ZFHX3: variants seen among roughly 807,000 people sequenced by gnomAD.
ZFHX3 encodes the protein zinc finger homeobox protein 3.
In ZFHX3, 42 loss-of-function variants were observed where a neutral mutation model predicts 279.1. That is an observed-to-expected ratio of 0.15 (90% confidence interval 0.12 to 0.19). ZFHX3 has a LOEUF of 0.19. ZFHX3 is among the 10% of genes least tolerant of loss of function. ZFHX3 has a pLI of 1.00. For synonymous variants in ZFHX3, 2,293 were observed against 1,957.8 expected (o/e 1.17, Z -4.52); for missense variants, 4,981 against 4,754.0 (o/e 1.05, Z -1.40).
rs1422376459 is a variant in ZFHX3 at position 72,787,050 on chromosome 16, TTTTTTTG to T, written c.*107_*113del. The T allele has an allele frequency of 2.9e-6, 3 of 1,027,640 alleles. No homozygotes were observed. Among genetic ancestry groups the T allele is most frequent in the Non-Finnish European group, 3.7e-6 (3 of 814,084 alleles). 63.7% of individuals were successfully genotyped at this position (1,027,640 alleles called of 1,614,324 possible). ...TTTTTCTTTTTTTTCTTTTTTTTTT[TTTTTTTG>T]TTTTTTGGTTAGAAGCTTTGGAATT... On this transcript the variant is annotated 3_prime_UTR_variant, in exon 10 of 10. Coordinates refer to ENST00000268489, the MANE Select transcript of ZFHX3 (RefSeq NM_006885.4).
At chr16:73,288,977 C>A (rs2014703012) in intron 4 of ZFHX3, among the ~76,000 whole-genome samples, 1 of 146,506 alleles carries the variant, frequency 6.8e-6, no homozygotes, top group Admixed American at 6.9e-5. Context: ...TTTTTATGAT[C>A]TAGGATGCTG....
At chr16:72,833,424 A>G (rs1436321537) in intron 4 of ZFHX3, among the ~76,000 whole-genome samples, 1 of 152,064 alleles carries the variant, frequency 6.6e-6, no homozygotes, top group East Asian at 1.9e-4. Context: ...TTTTTCCCCT[A>G]TAATATTAGC....
intron 5 of ZFHX3, among the ~76,000 whole-genome samples, chr16:73,211,172 C>T (rs1032037873): frequency 6.6e-6 from 1 of 152,100 alleles, no homozygotes; most frequent in Non-Finnish European, 1.5e-5. Flanking sequence ...TGATGAGGAC[C>T]ATATTGCCTT....
In ZFHX3 at chr16:72,895,009, G is replaced by A. The variant is rs1016897957; in HGVS notation, c.3217-5047C>T. 4.6e-5 allele frequency among the ~76,000 whole-genome samples: 7 copies of A among 152,356 alleles called. No individual in the cohort carries two copies. The East Asian group carries it at 1.4e-3, about 29-fold the overall frequency. On this transcript the variant is annotated intron_variant, in intron 3 of 9. Transcript: ENST00000268489. Reference sequence around the variant, plus strand: ...AAAACAACAGCTCCAACTGTGGGCAGTGTGCTGGGATGCATGCCAACCGGG... The same window carrying A: ...AAAACAACAGCTCCAACTGTGGGCAATGTGCTGGGATGCATGCCAACCGGG...
At chr16:73,272,272 A>C (rs1242146357) in intron 4 of ZFHX3, among the ~76,000 whole-genome samples, 1 of 152,220 alleles carries the variant, frequency 6.6e-6, no homozygotes, top group Non-Finnish European at 1.5e-5. Context: ...TTTACATTGC[A>C]AAATAAATTA....
chr16:73,831,511 C>G (rs1456310791), intron 1 of ZFHX3, among the ~76,000 whole-genome samples: 1 of 152,222 alleles, frequency 6.6e-6, no homozygotes, highest in African/African-American at 2.4e-5. Context: ...AGAAATTCAT[C>G]TACACGACGC....
intron 5 of ZFHX3, among the ~76,000 whole-genome samples, chr16:73,156,181 A>T (rs1967077302): frequency 6.7e-6 from 1 of 148,512 alleles, no homozygotes; most frequent in Non-Finnish European, 1.5e-5. Context: ...GCAGTGAGCC[A>T]AGGGCGCACC....
chr16:73,566,617 C>T (rs1015135276), intron 2 of ZFHX3, among the ~76,000 whole-genome samples: 1 of 131,710 alleles, frequency 7.6e-6, no homozygotes, highest in East Asian at 2.0e-4. Context: ...AACTCCTGGG[C>T]TCAAGCAATC....
At chr16:73,530,456 A>C (rs1423466860) in intron 2 of ZFHX3, among the ~76,000 whole-genome samples, 1 of 152,182 alleles carries the variant, frequency 6.6e-6, no homozygotes, top group African/African-American at 2.4e-5. Flanking sequence ...CGTCTGATAA[A>C]CTACTTCTCT....
chr16:73,122,747 A>T lies in ZFHX3; in HGVS notation c.-897+8221T>A, dbSNP rs1479680942. 4.6e-5 allele frequency among the ~76,000 whole-genome samples: 7 copies of T among 152,130 alleles called. No individual in the cohort carries two copies. The East Asian group carries it at 1.2e-3, about 25-fold the overall frequency. The stretch of plus-strand genomic sequence containing the variant: ...CCAGAAGGAGCAGAGGAAAGAAAAC[A>T]CGAAGTGAGGAGAGCAGGAAGCAAG... On this transcript the variant is annotated intron_variant, in intron 7 of 17. Transcript: ENST00000641206.
rs74028095 is a variant in ZFHX3 at position 73,224,592 on chromosome 16, A to G, written c.-1104+32455T>C. 6.6e-3 allele frequency among the ~76,000 whole-genome samples: 999 copies of G among 152,296 alleles called. 12 individuals carry two copies. Among genetic ancestry groups the G allele is most frequent in the African/African-American group, 0.023 (962 of 41,550 alleles). On this transcript the variant is annotated intron_variant, in intron 5 of 17. Coordinates refer to the ZFHX3 transcript ENST00000641206. Reference sequence around the variant, plus strand: ...CCATATTTCTAGAGATTTTGCAGAAACGTGGCCAAAAGAGTCTCATTTATA... The same window carrying G: ...CCATATTTCTAGAGATTTTGCAGAAGCGTGGCCAAAAGAGTCTCATTTATA...
chr16:73,437,851 C>A (rs11649534), intron 3 of ZFHX3, among the ~76,000 whole-genome samples: 7 of 152,080 alleles, frequency 4.6e-5, no homozygotes, highest in Non-Finnish European at 8.8e-5. Flanking sequence ...TGCATGAATG[C>A]GTTTTAAGTT....
chr16:73,513,776 G>A (rs1294148977), intron 2 of ZFHX3, among the ~76,000 whole-genome samples: 1 of 152,086 alleles, frequency 6.6e-6, no homozygotes, highest in African/African-American at 2.4e-5. Context: ...CTTACGGATG[G>A]ACTTATGGGA....
chr16:73,546,107 G>A (rs1338511968), intron 2 of ZFHX3, among the ~76,000 whole-genome samples: 2 of 152,150 alleles, frequency 1.3e-5, no homozygotes, highest in Non-Finnish European at 2.9e-5. Flanking sequence ...TATAAATCGT[G>A]CTAAAAGGAA....
At chr16:73,230,095 A>G (rs1379731886) in intron 5 of ZFHX3, among the ~76,000 whole-genome samples, 2 of 152,242 alleles carry the variant, frequency 1.3e-5, no homozygotes, top group African/African-American at 4.8e-5. Context: ...TCATAGATCA[A>G]TACATGGTTA....
At chr16:73,149,097 A>T (rs1966884150) in intron 5 of ZFHX3, among the ~76,000 whole-genome samples, 1 of 148,752 alleles carries the variant, frequency 6.7e-6, no homozygotes, top group Admixed American at 6.7e-5. Flanking sequence ...AGTAAATGTC[A>T]GCAATTATTG....
intron 5 of ZFHX3, among the ~76,000 whole-genome samples, chr16:73,193,340 G>A (rs557655574): frequency 6.6e-6 from 1 of 152,198 alleles, no homozygotes; most frequent in Non-Finnish European, 1.5e-5. Flanking sequence ...CTTTGCAGGG[G>A]AGTTGGGGAG....
intron 3 of ZFHX3, among the ~76,000 whole-genome samples, chr16:73,398,094 C>T (rs1422119221): frequency 6.6e-6 from 1 of 152,220 alleles, no homozygotes; most frequent in Non-Finnish European, 1.5e-5. Flanking sequence ...ATCCACCCAC[C>T]TAGGCCTCCC....
chr16:73,302,926 G>A (rs1457262716), intron 4 of ZFHX3, among the ~76,000 whole-genome samples: 3 of 152,166 alleles, frequency 2.0e-5, no homozygotes, highest in South Asian at 2.1e-4. Context: ...ACTGTGGCAG[G>A]TGTTTACATT....
Sources: gnomAD v4.1 joint callset for allele counts (sites outside exome capture counted in the v4.1 genomes callset) on GRCh38, gnomAD v4.1.1 for gene constraint, MANE v1.5 for transcripts, NCBI Gene and HGNC (gene_info 2026-07-23, HGNC 2026-07-21) for gene names.